The following GALNT17 variants were observed in gnomAD, a reference collection of about 807,000 sequenced individuals.
The protein encoded by GALNT17 is UDP-GalNAc:polypeptide N-acetylgalactosaminyltransferase-like 3.
GALNT17 carries 29 observed loss-of-function variants against 63.7 expected under a neutral mutation model. The ratio of observed to expected loss-of-function variants is 0.46; its 90% CI spans 0.34 to 0.62. The LOEUF (loss-of-function observed/expected upper bound fraction) is 0.62, where lower values mean the gene tolerates loss of function less well. GALNT17 is among the 20% of genes least tolerant of loss of function. The pLI is 0.01. For synonymous variants in GALNT17, 305 were observed against 318.3 expected, an observed-to-expected ratio of 0.96 and a Z score of 0.45; for missense variants, 603 against 799.6, an observed-to-expected ratio of 0.75 and a Z score of 2.97.
chr7:71,461,454 T>C (rs1417139035), intron 5 of GALNT17, among the ~76,000 whole-genome samples: 1 of 152,204 alleles, frequency 6.6e-6, no homozygotes, highest in Non-Finnish European at 1.5e-5. Flanking sequence ...ATGGGAAGTA[T>C]TCTAAATACA....
chr7:71,193,071 A>G (rs1462108944), intron 1 of GALNT17, among the ~76,000 whole-genome samples: 4 of 10,926 alleles, frequency 3.7e-4, no homozygotes, highest in South Asian at 4.9e-3. Context: ...TCTACCATTT[A>G]TTTATTTATT....
At chr7:71,307,325 A>G (rs1158650397) in intron 1 of GALNT17, among the ~76,000 whole-genome samples, 1 of 152,022 alleles carries the variant, frequency 6.6e-6, no homozygotes, top group Non-Finnish European at 1.5e-5. Context: ...GACAGTAGCC[A>G]TTTTAATGGG....
intron 1 of GALNT17, among the ~76,000 whole-genome samples, chr7:71,194,691 G>C (rs2116347974): frequency 6.6e-6 from 1 of 152,236 alleles, no homozygotes; most frequent in South Asian, 2.1e-4. Context: ...CTGCAAAATT[G>C]GGTTCTTGGA....
intron 1 of GALNT17, among the ~76,000 whole-genome samples, chr7:71,248,252 G>A (rs1183350632): frequency 6.6e-6 from 1 of 152,144 alleles, no homozygotes; most frequent in African/African-American, 2.4e-5. Context: ...ACTCACTGTC[G>A]TGAGAACAGC....
At chr7:71,667,763 A>C (rs1791005992) in intron 7 of GALNT17, among the ~76,000 whole-genome samples, 1 of 151,932 alleles carries the variant, frequency 6.6e-6, no homozygotes, top group African/African-American at 2.4e-5. Context: ...CCTGTGAAAT[A>C]GTGAAATAGG....
At chr7:71,462,659 C>T (rs1787470968) in intron 5 of GALNT17, among the ~76,000 whole-genome samples, 1 of 152,148 alleles carries the variant, frequency 6.6e-6, no homozygotes, top group African/African-American at 2.4e-5. Context: ...CAACTTGAAA[C>T]AAAGGCGGGA....
chr7:71,206,957 A>AG (rs2116382128), intron 1 of GALNT17, among the ~76,000 whole-genome samples: 1 of 152,144 alleles, frequency 6.6e-6, no homozygotes, highest in Non-Finnish European at 1.5e-5. Context: ...TACAAAAAAA[A>AG]TAGCTGGGCG....
intron 6 of GALNT17, among the ~76,000 whole-genome samples, chr7:71,645,318 G>A (rs906709733): frequency 2.0e-5 from 3 of 152,172 alleles, no homozygotes; most frequent in Admixed American, 6.5e-5. Context: ...GGAGGGACCT[G>A]GTGTGAGGTG....
At chr7:71,678,028 G>A (rs1022470193) in intron 9 of GALNT17, among the ~76,000 whole-genome samples, 2 of 152,160 alleles carry the variant, frequency 1.3e-5, no homozygotes, top group African/African-American at 4.8e-5. Flanking sequence ...GCAGCATGAG[G>A]AAACTGAGGC....
chr7:71,192,950 G>A (rs1212882766), intron 1 of GALNT17, among the ~76,000 whole-genome samples: 5 of 151,906 alleles, frequency 3.3e-5, no homozygotes, highest in East Asian at 1.9e-4. Context: ...GATCCTCTGC[G>A]ATCAACCTCT....
chr7:71,694,853 G>A (rs1791516584), intron 9 of GALNT17, among the ~76,000 whole-genome samples: 1 of 152,158 alleles, frequency 6.6e-6, no homozygotes, highest in Non-Finnish European at 1.5e-5. Flanking sequence ...TAATGACACA[G>A]CAAGGTCAGA....
chr7:71,514,728 T>G (rs1312883391), intron 5 of GALNT17, among the ~76,000 whole-genome samples: 1 of 152,178 alleles, frequency 6.6e-6, no homozygotes, highest in African/African-American at 2.4e-5. Flanking sequence ...ACATTCAAAC[T>G]TCTTGGTTTG....
intron 6 of GALNT17, among the ~76,000 whole-genome samples, chr7:71,580,319 A>G (rs1261892429): frequency 6.6e-6 from 1 of 152,076 alleles, no homozygotes; most frequent in Non-Finnish European, 1.5e-5. Context: ...TAGATGATAG[A>G]TGGATACAAA....
chr7:71,297,694 C>A (rs1791107734), intron 1 of GALNT17, among the ~76,000 whole-genome samples: 1 of 152,174 alleles, frequency 6.6e-6, no homozygotes, highest in African/African-American at 2.4e-5. Context: ...AGATTTCAAC[C>A]AACAGGTGAA....
intron 1 of GALNT17, among the ~76,000 whole-genome samples, chr7:71,200,402 A>G (rs559311548): frequency 6.6e-6 from 1 of 152,244 alleles, no homozygotes; most frequent in African/African-American, 2.4e-5. Context: ...TTGACCAGAC[A>G]CATTTTGGCA....
At chr7:71,230,021 G>A (rs1464766454) in intron 1 of GALNT17, among the ~76,000 whole-genome samples, 1 of 152,180 alleles carries the variant, frequency 6.6e-6, no homozygotes, top group Non-Finnish European at 1.5e-5. Flanking sequence ...GCATGTGTTA[G>A]GCAGAGGCTG....
At chr7:71,552,521 GTC>G (rs1222895702) in intron 5 of GALNT17, among the ~76,000 whole-genome samples, 1 of 150,384 alleles carries the variant, frequency 6.6e-6, no homozygotes, top group African/African-American at 2.5e-5. Flanking sequence ...GCTCATTACA[GTC>G]TCTGCCTCCC....
Position 71,246,051 on chromosome 7 carries a change from A to G in GALNT17, c.239-89499A>G, listed in dbSNP as rs75501804. Among the ~76,000 whole-genome samples the G allele has an allele frequency of 9.6e-3, 1,458 of 151,486 alleles. 24 individuals carry two copies. Among genetic ancestry groups the G allele is most frequent in the African/African-American group, 0.033 (1,377 of 41,202 alleles). On this transcript the variant is annotated intron_variant, in intron 1 of 10. Coordinates refer to ENST00000333538, the MANE Select transcript of GALNT17 (RefSeq NM_022479.3). ...TCTGGGAATTTATGCTAGGGAAATC[A>G]ATCATAAAGGGGGAAAAGTGCCACA...
chr7:71,196,678 G>A (rs1046249072), intron 1 of GALNT17, among the ~76,000 whole-genome samples: 6 of 151,952 alleles, frequency 3.9e-5, no homozygotes, highest in South Asian at 2.1e-4. Context: ...TTGCTCTGTC[G>A]CCCAGGTTGG....
Sources: allele counts gnomAD v4.1 joint callset (sites outside exome capture counted in the v4.1 genomes callset), GRCh38; gene constraint gnomAD v4.1.1; transcripts MANE v1.5; gene names NCBI Gene and HGNC (gene_info 2026-07-23, HGNC 2026-07-21).